HEATR5B: variants seen among roughly 807,000 people sequenced by gnomAD.
HEATR5B encodes HEAT repeat-containing protein 5B.
A neutral mutation model predicts 224.1 loss-of-function variants in HEATR5B; 156 were observed. The observed-to-expected ratio is 0.70, with a 90% CI of 0.61 to 0.80. The LOEUF (loss-of-function observed/expected upper bound fraction) is 0.80. HEATR5B is among the 30% of genes least tolerant of loss of function. The pLI, the probability that HEATR5B is intolerant of heterozygous loss-of-function variation, is 0.00. For missense variants in HEATR5B, 2,323 were observed against 2,535.5 expected, an observed-to-expected ratio of 0.92 and a Z score of 1.80; for synonymous variants, 1,027 against 893.0, an observed-to-expected ratio of 1.15 and a Z score of -2.68.
intron 30 of HEATR5B, 122 bp from the exon 31 acceptor site, chr2:37,003,808 A>G: frequency 1.7e-6 from 1 of 574,846 alleles, no homozygotes; most frequent in Non-Finnish European, 2.8e-6. Flanking sequence ...ATTAAAATAT[A>G]GGACTACGTA....
rs1670422306 is a variant in HEATR5B, at chr2:37,049,800, C to T, written c.2549G>A (p.Arg850His). ...NKSTLGPEEV[R>H]KSALTLVMGP... ...CATAACCAGTGTCAGGGCAGATTTA[C>T]GAACTTCCTCAGGTCCTAAAGTACT... is the stretch of plus-strand genomic sequence containing the variant. Residue 850 changes from arginine (R) to histidine (H), a missense_variant, in exon 18 of 36, where the codon CGT becomes CAT. Coordinates refer to ENST00000233099, the MANE Select transcript of HEATR5B (RefSeq NM_019024.3). 3 of 1,563,924 alleles carry T rather than the reference C, an allele frequency of 1.9e-6. No individual in the cohort carries two copies. Among genetic ancestry groups the T allele is most frequent in the Non-Finnish European group, 2.6e-6 (3 of 1,157,086 alleles).
intron 26 of HEATR5B, 21 bp downstream of exon 26, chr2:37,019,788 A>G (rs774231883): frequency 3.3e-6 from 5 of 1,518,088 alleles, no homozygotes; most frequent in Non-Finnish European, 4.6e-6. Flanking sequence ...CAACTATACA[A>G]AGTCCCATTT....
chr2:37,067,947 T>C (rs1021479757), intron 8 of HEATR5B, among the ~76,000 whole-genome samples: 2 of 152,178 alleles, frequency 1.3e-5, no homozygotes, highest in African/African-American at 2.4e-5. Flanking sequence ...AAAAGACCTC[T>C]ATTAGTCAAT....
rs1209660465 is a variant in HEATR5B at position 36,981,321 on chromosome 2, C to T, written c.*169G>A. On this transcript the variant is annotated 3_prime_UTR_variant, in exon 36 of 36. Coordinates refer to ENST00000233099, the MANE Select transcript of HEATR5B (RefSeq NM_019024.3). ...CACCACATGATAAAAAAAATCACTC[C>T]TTAAAAATCAATAAGTGGTGTGAGC... 5 of 457,820 alleles carry T rather than the reference C, an allele frequency of 1.1e-5. No homozygotes were observed. Among genetic ancestry groups the T allele is most frequent in the Non-Finnish European group, 1.9e-5 (5 of 264,336 alleles). The allele number at this position is 457,820 out of a possible 1,614,324, so 28.4% of individuals were successfully genotyped here.
At chr2:37,037,709 T>A (rs1669586601) in intron 21 of HEATR5B, 146 bp downstream of exon 21, 2 of 413,314 alleles carry the variant, frequency 4.8e-6, no homozygotes, top group East Asian at 3.7e-5. Flanking sequence ...TTCACTCTGA[T>A]GTGATTATTA....
chr2:37,005,436 T>C (rs1158115232), intron 30 of HEATR5B, among the ~76,000 whole-genome samples, 196 bp downstream of exon 30: 1 of 152,184 alleles, frequency 6.6e-6, no homozygotes, highest in Non-Finnish European at 1.5e-5. Context: ...GCTTTCACTA[T>C]CTATAACCTC....
At chr2:37,030,497 G>C (rs1000912563) in intron 22 of HEATR5B, among the ~76,000 whole-genome samples, 2 of 152,158 alleles carry the variant, frequency 1.3e-5, no homozygotes, top group African/African-American at 4.8e-5. Flanking sequence ...TAATTGGTTA[G>C]AGGACAAATT....
rs1413155927 is a variant in HEATR5B at position 37,079,226 on chromosome 2, C to T, written c.232G>A (p.Ala78Thr). The T allele has an allele frequency of 1.2e-6, 2 of 1,607,350 alleles. No homozygotes were observed. The highest frequency in any genetic ancestry group is 1.1e-5 in the South Asian group (1 of 90,940). The stretch of plus-strand genomic sequence containing the variant: ...AAAGTATCCCCAATGCTATAAAGGG[C>T]TGCGAGATTTTTAGCTAATAATTTT... ...TRKLLAKNLA[A>T]LYSIGDTFTV... The change falls in exon 3 of 36, where the codon GCC (alanine) becomes ACC (threonine). Residue 78 changes from alanine to threonine, a missense_variant. Physicochemically the swap from Ala to Thr is moderately conservative, Grantham distance 58. Coordinates refer to ENST00000233099, the MANE Select transcript of HEATR5B (RefSeq NM_019024.3).
chr2:37,038,187 T>C (rs149738920), intron 20 of HEATR5B, among the ~76,000 whole-genome samples, 163 bp from the exon 21 acceptor site: 5,180 of 152,278 alleles, frequency 0.034, 122 homozygotes, highest in Non-Finnish European at 0.052. Context: ...TCGCCCAGGC[T>C]AGAGTGCAGT....
intron 20 of HEATR5B, 114 bp from the exon 21 acceptor site, chr2:37,038,138 T>A: frequency 1.4e-6 from 1 of 723,532 alleles, no homozygotes. Flanking sequence ...ATTATTCAGG[T>A]TTTTTTTGCT....
chr2:37,083,480 T>C (rs1672750410), intron 1 of HEATR5B, 44 bp from the exon 2 acceptor site: 2 of 1,415,182 alleles, frequency 1.4e-6, no homozygotes, highest in South Asian at 1.2e-5. Context: ...TATTTTTTAA[T>C]GTTAAAAGTC....
chr2:36,984,397 A>G (rs1665811313), intron 35 of HEATR5B, among the ~76,000 whole-genome samples: 1 of 151,586 alleles, frequency 6.6e-6, no homozygotes, highest in Non-Finnish European at 1.5e-5. Flanking sequence ...ACTAAGTGCT[A>G]AAAAACGTGG....
intron 24 of HEATR5B, among the ~76,000 whole-genome samples, 166 bp downstream of exon 24, chr2:37,027,757 G>C (rs972616565): frequency 2.0e-5 from 3 of 152,180 alleles, no homozygotes; most frequent in Non-Finnish European, 4.4e-5. Flanking sequence ...AAGATGACTA[G>C]TATGCAGAGG....
chr2:36,988,899 G>T, intron 34 of HEATR5B, 40 bp from the exon 35 acceptor site: 1 of 1,435,504 alleles, frequency 7.0e-7, no homozygotes, highest in Non-Finnish European at 9.8e-7. Context: ...CATGTGTATA[G>T]TTCTTATTTG....
At chr2:37,048,526 AT>A (rs1670342734) in intron 18 of HEATR5B, among the ~76,000 whole-genome samples, 1 of 150,878 alleles carries the variant, frequency 6.6e-6, no homozygotes, top group African/African-American at 2.4e-5. Flanking sequence ...AAAAAAAAAA[AT>A]TACCCTTCAA....
intron 10 of HEATR5B, 50 bp from the exon 11 acceptor site, chr2:37,062,100 A>AT: frequency 9.1e-7 from 1 of 1,104,150 alleles, no homozygotes; most frequent in East Asian, 2.4e-5. Context: ...GTTAAATTAA[A>AT]TAAGGAAACA....
chr2:37,017,150 C>T (rs77472679), intron 26 of HEATR5B, among the ~76,000 whole-genome samples: 12,762 of 152,140 alleles, frequency 0.084, 696 homozygotes, highest in South Asian at 0.15. Context: ...GAAACTAGGC[C>T]GGGCACGGTG....
chr2:36,988,277 T>C (rs941692734), intron 35 of HEATR5B, among the ~76,000 whole-genome samples: 1 of 152,046 alleles, frequency 6.6e-6, no homozygotes, highest in Non-Finnish European at 1.5e-5. Context: ...TTTTCTTTTT[T>C]TTTTGAGATG....
Position 37,028,091 on chromosome 2 carries a change from T to A in HEATR5B, c.3685A>T (p.Thr1229Ser), listed in dbSNP as rs976146780. Residue 1229 changes from threonine to serine, a missense_variant, in exon 24 of 36, where the codon ACC (threonine) becomes TCC (serine). By Grantham distance (58) the Thr-to-Ser change is moderately conservative. Around this residue, in one of 12 missense-constraint regions of HEATR5B, gnomAD observed 339 missense variants for 378.4 expected, o/e 0.90. Coordinates refer to ENST00000233099, the MANE Select transcript of HEATR5B (RefSeq NM_019024.3). Reference protein sequence around the residue: ...KDEMDDDTMFTTLGEEDKSKP... With the variant: ...KDEMDDDTMFSTLGEEDKSKP... ...GATTTATCTTCTTCACCTAACGTGG[T>A]AAACATGGTATCATCATCCATCTCA... 6.2e-6 allele frequency: 10 copies of A among 1,613,650 alleles called. No homozygotes were observed. The highest frequency in any genetic ancestry group is 1.7e-5 in the Admixed American group (1 of 59,994).
Sources: allele counts gnomAD v4.1 joint callset (sites outside exome capture counted in the v4.1 genomes callset), GRCh38; gene constraint gnomAD v4.1.1; regional missense constraint gnomAD v4.1.1; transcripts MANE v1.5; gene names NCBI Gene and HGNC (gene_info 2026-07-23, HGNC 2026-07-21).